STARD13: variants seen among roughly 807,000 people sequenced by gnomAD.
The protein encoded by STARD13 is stAR-related lipid transfer protein 13.
In STARD13, 62 loss-of-function variants were observed where a neutral mutation model predicts 106.4. The observed-to-expected ratio is 0.58, with a 90% CI of 0.48 to 0.72. The LOEUF (loss-of-function observed/expected upper bound fraction) is 0.72, where lower values mean the gene tolerates loss of function less well. STARD13 is among the 30% of genes least tolerant of loss of function. The pLI is 0.00. For missense variants in STARD13, 1,387 were observed against 1,424.0 expected, an observed-to-expected ratio of 0.97 and a Z score of 0.42; for synonymous variants, 565 against 553.0, an observed-to-expected ratio of 1.02 and a Z score of -0.31.
chr13:33,257,613 A>AT (rs1195830153), intron 1 of STARD13, among the ~76,000 whole-genome samples: 1 of 152,212 alleles, frequency 6.6e-6, no homozygotes, highest in African/African-American at 2.4e-5. Context: ...GTGGATTACC[A>AT]TTAAAAAAGG....
At position 33,105,241 on chromosome 13, in the gene STARD13, T is replaced by G. The variant is rs1873541259; in HGVS notation, c.*352A>C. 5.0e-6 allele frequency: 1 copy of G among 198,780 alleles called. No individual in the cohort carries two copies. The allele number at this position is 198,780 out of a possible 1,614,324, so 12.3% of individuals were successfully genotyped here. A position where few individuals can be genotyped will look rare whatever the true frequency, so the allele number is the denominator to read the frequency against. On this transcript the variant is annotated 3_prime_UTR_variant, in exon 14 of 14. Coordinates refer to ENST00000336934, the MANE Select transcript of STARD13 (RefSeq NM_178006.4). ...CAGTAAAGATGGAGATATACACACA[T>G]ATGTACATATGCTATACATACATTT... is the stretch of plus-strand genomic sequence containing the variant.
the STARD13 span, among the ~76,000 whole-genome samples, chr13:33,567,958 A>G: frequency 6.8e-6 from 1 of 147,946 alleles, no homozygotes; most frequent in Non-Finnish European, 1.5e-5. Context: ...AATAACAGAA[A>G]GTGTTTGTGG....
chr13:33,380,486 CA>C, the STARD13 span, among the ~76,000 whole-genome samples: 1 of 134,996 alleles, frequency 7.4e-6, no homozygotes, highest in African/African-American at 2.8e-5. Flanking sequence ...CCACCCCCCC[CA>C]CACACAAATT....
At chr13:33,158,860 T>A (rs1469510376) in intron 3 of STARD13, 1 of 152,276 alleles carries the variant, frequency 6.6e-6, no homozygotes, top group Non-Finnish European at 1.5e-5. Flanking sequence ...CACTTCTTTG[T>A]AGCCAAGCCA....
chr13:33,339,864 A>G (rs2138588560), intron 1 of STARD13, among the ~76,000 whole-genome samples: 1 of 152,274 alleles, frequency 6.6e-6, no homozygotes. Flanking sequence ...AGGCAGGTGG[A>G]TCACGAAGTC....
In STARD13 at chr13:33,112,707, G is replaced by GA. The variant is rs34128539; in HGVS notation, c.2492+13dup. 367,071 of 1,560,386 alleles carry GA rather than the reference G, an allele frequency of 0.24. 44,386 individuals carry two copies. Among genetic ancestry groups the GA allele is most frequent in the East Asian group, 0.29 (12,675 of 44,240 alleles). ...GCTTTGGGATTACTGTTGTTACTGA[G>GA]AAAAAAAACCCACCGTGGAGAGCTT... is the stretch of plus-strand genomic sequence containing the variant. On this transcript the variant is annotated intron_variant, in intron 9 of 13. Coordinates refer to ENST00000336934, the MANE Select transcript of STARD13 (RefSeq NM_178006.4).
At chr13:33,178,585 A>G (rs775069033) in intron 1 of STARD13, among the ~76,000 whole-genome samples, 9 of 152,222 alleles carry the variant, frequency 5.9e-5, no homozygotes, top group Non-Finnish European at 8.8e-5. Context: ...AAATGATGCT[A>G]CAGGGATATC....
intron 1 of STARD13, among the ~76,000 whole-genome samples, chr13:33,332,513 A>G (rs1362156587): frequency 6.6e-6 from 1 of 152,148 alleles, no homozygotes; most frequent in Non-Finnish European, 1.5e-5. Flanking sequence ...AGGTGGGGAT[A>G]CAACCAGAAA....
At chr13:33,556,096 T>C in the STARD13 span, among the ~76,000 whole-genome samples, 1 of 152,226 alleles carries the variant, frequency 6.6e-6, no homozygotes, top group African/African-American at 2.4e-5. Context: ...ACTGGCATTT[T>C]GCACAATGTA....
intron 1 of STARD13, among the ~76,000 whole-genome samples, chr13:33,200,425 CCAA>C (rs1047240973): frequency 2.6e-5 from 4 of 152,180 alleles, no homozygotes; most frequent in Admixed American, 6.5e-5. Context: ...CAAAGCGTCA[CCAA>C]CAACGAGACC....
chr13:33,438,636 A>G, the STARD13 span, among the ~76,000 whole-genome samples: 1 of 152,216 alleles, frequency 6.6e-6, no homozygotes, highest in African/African-American at 2.4e-5. Flanking sequence ...TTTTCCTGAC[A>G]AAGTTCTAGC....
At chr13:33,196,468 A>G (rs189130676) in intron 1 of STARD13, among the ~76,000 whole-genome samples, 401 of 152,346 alleles carry the variant, frequency 2.6e-3, no homozygotes, top group Non-Finnish European at 4.2e-3. Context: ...AGGATATGAT[A>G]GGAGGCGCCC....
chr13:33,252,187 C>T (rs60591191), intron 1 of STARD13, among the ~76,000 whole-genome samples: 33,732 of 152,110 alleles, frequency 0.22, 4,014 homozygotes, highest in African/African-American at 0.28. Flanking sequence ...GCAGCTTTTA[C>T]AGCTCAGAGG....
At chr13:33,231,964 C>T (rs988486422) in intron 1 of STARD13, among the ~76,000 whole-genome samples, 10 of 152,094 alleles carry the variant, frequency 6.6e-5, no homozygotes, top group South Asian at 2.1e-4. Flanking sequence ...GAGCACATCC[C>T]GCATATATTT....
chr13:33,210,943 T>C (rs1014966808), intron 1 of STARD13, among the ~76,000 whole-genome samples: 4 of 152,140 alleles, frequency 2.6e-5, no homozygotes, highest in Non-Finnish European at 4.4e-5. Flanking sequence ...TTGGTTTAGA[T>C]CTTGGATACC....
intron 1 of STARD13, among the ~76,000 whole-genome samples, chr13:33,308,478 A>ATTTCTT (rs1289096106): frequency 7.7e-6 from 1 of 129,742 alleles, no homozygotes; most frequent in African/African-American, 2.8e-5. Flanking sequence ...TATTTTTCTA[A>ATTTCTT]TTTCTTTTTC....
intron 1 of STARD13, among the ~76,000 whole-genome samples, chr13:33,243,926 TCTAA>T (rs577344878): frequency 3.3e-5 from 5 of 151,956 alleles, no homozygotes; most frequent in Non-Finnish European, 5.9e-5. Flanking sequence ...CTTCCAGGTC[TCTAA>T]CTTGGGCACT....
At chr13:33,111,958 A>C (rs957611501) in intron 9 of STARD13, 66 bp from the exon 10 acceptor site, 66 of 1,010,716 alleles carry the variant, frequency 6.5e-5, no homozygotes, top group Middle Eastern at 2.0e-4. Context: ...TACCAAACTC[A>C]TCCCTTTTGT....
intron 1 of STARD13, among the ~76,000 whole-genome samples, chr13:33,201,258 G>A (rs1887019559): frequency 6.6e-6 from 1 of 151,982 alleles, no homozygotes; most frequent in South Asian, 2.1e-4. Flanking sequence ...CCAAGAATTG[G>A]AAACAGAAAC....
Sources: gnomAD v4.1 joint callset for allele counts (sites outside exome capture counted in the v4.1 genomes callset) on GRCh38, gnomAD v4.1.1 for gene constraint, MANE v1.5 for transcripts, NCBI Gene and HGNC (gene_info 2026-07-23, HGNC 2026-07-21) for gene names.